The following RBMS1 variants were observed in gnomAD, a reference collection of about 807,000 sequenced individuals.
RBMS1 encodes RNA-binding motif, single-stranded-interacting protein 1.
RBMS1 carries 17 observed loss-of-function variants against 62.3 expected under a neutral mutation model. That is an observed-to-expected ratio of 0.27 (90% CI 0.19 to 0.41). The LOEUF (loss-of-function observed/expected upper bound fraction) is 0.41, where lower values mean the gene tolerates loss of function less well. Among genes scored for constraint, RBMS1 ranks in the 10% least tolerant of loss-of-function variants. The pLI is 1.00. For missense variants in RBMS1, 334 were observed against 504.5 expected, an observed-to-expected ratio of 0.66 and a Z score of 3.24; for synonymous variants, 172 against 170.0, an observed-to-expected ratio of 1.01 and a Z score of -0.09.
At chr2:160,285,090 G>A in intron 7 of RBMS1, 46 bp from the exon 8 acceptor site, 1 of 1,573,354 alleles carries the variant, frequency 6.4e-7, no homozygotes, top group Non-Finnish European at 8.7e-7. Context: ...AGAAAGGCAT[G>A]ATTTAAAAAT....
intron 1 of RBMS1, among the ~76,000 whole-genome samples, chr2:160,440,106 A>AGAGGGCT (rs1683350479): frequency 9.0e-6 from 1 of 111,270 alleles, no homozygotes; most frequent in Non-Finnish European, 1.9e-5. Flanking sequence ...GGGAGAGGGG[A>AGAGGGCT]GAGGGCTTTT....
chr2:160,282,380 G>A (rs1688145854), intron 9 of RBMS1: 2 of 1,279,692 alleles, frequency 1.6e-6, no homozygotes, highest in Non-Finnish European at 2.1e-6. Flanking sequence ...TCCCCATTGG[G>A]GTTGGTGGTT....
chr2:160,488,504 A>G (rs1574123308), intron 1 of RBMS1, among the ~76,000 whole-genome samples: 1 of 152,160 alleles, frequency 6.6e-6, no homozygotes, highest in Non-Finnish European at 1.5e-5. Flanking sequence ...TGAACCTGGG[A>G]GGCAGAGGTT....
At chr2:160,482,360 T>A (rs1030114697) in intron 1 of RBMS1, among the ~76,000 whole-genome samples, 1 of 152,236 alleles carries the variant, frequency 6.6e-6, no homozygotes, top group Non-Finnish European at 1.5e-5. Context: ...ACCTGAGTGG[T>A]TATTACATGA....
intron 1 of RBMS1, among the ~76,000 whole-genome samples, chr2:160,387,325 A>C (rs139452426): frequency 6.0e-5 from 9 of 151,130 alleles, no homozygotes; most frequent in Non-Finnish European, 1.2e-4. Context: ...TTTTTTTTGC[A>C]GTCTTCCCTT....
chr2:160,345,950 T>A (rs62177276), intron 2 of RBMS1, among the ~76,000 whole-genome samples: 1 of 152,106 alleles, frequency 6.6e-6, no homozygotes, highest in Non-Finnish European at 1.5e-5. Context: ...ACAATGGCTG[T>A]TCAGAGTGAA....
intron 7 of RBMS1, among the ~76,000 whole-genome samples, chr2:160,286,180 G>A (rs550603206): frequency 1.3e-4 from 20 of 151,388 alleles, no homozygotes; most frequent in East Asian, 3.9e-4. Flanking sequence ...TGTCCCTGTC[G>A]TCTCAGCTAC....
intron 1 of RBMS1, among the ~76,000 whole-genome samples, chr2:160,437,313 C>G (rs185798609): frequency 6.6e-6 from 1 of 152,210 alleles, no homozygotes; most frequent in East Asian, 1.9e-4. Context: ...AGTGCAAAGC[C>G]TAGATTGTTC....
chr2:160,347,231 C>T (rs541107798), intron 2 of RBMS1, among the ~76,000 whole-genome samples: 1 of 152,050 alleles, frequency 6.6e-6, no homozygotes, highest in South Asian at 2.1e-4. Flanking sequence ...TATTCTATTG[C>T]CTCTGTAGAT....
chr2:160,394,981 C>G (rs1015452627), intron 1 of RBMS1, among the ~76,000 whole-genome samples: 6 of 152,154 alleles, frequency 3.9e-5, no homozygotes, highest in African/African-American at 1.4e-4. Flanking sequence ...ATGTCCTTTC[C>G]AACACTAAAA....
At chr2:160,347,188 G>A (rs1218778325) in intron 2 of RBMS1, among the ~76,000 whole-genome samples, 1 of 151,926 alleles carries the variant, frequency 6.6e-6, no homozygotes, top group Non-Finnish European at 1.5e-5. Flanking sequence ...TTCACTAAGG[G>A]CCGGCAATTA....
intron 6 of RBMS1, among the ~76,000 whole-genome samples, chr2:160,288,593 G>C (rs1011474119): frequency 2.0e-5 from 3 of 152,184 alleles, no homozygotes; most frequent in African/African-American, 7.2e-5. Context: ...GGTATGACGA[G>C]TCAGGAACAA....
chr2:160,389,370 G>A (rs993482220), intron 1 of RBMS1, among the ~76,000 whole-genome samples: 1 of 152,116 alleles, frequency 6.6e-6, no homozygotes, highest in South Asian at 2.1e-4. Flanking sequence ...AATCTAGCTG[G>A]TAATGATAAA....
chr2:160,433,173 G>C (rs1682968439), intron 1 of RBMS1, among the ~76,000 whole-genome samples: 1 of 152,156 alleles, frequency 6.6e-6, no homozygotes, highest in South Asian at 2.1e-4. Flanking sequence ...CAGCACTTTG[G>C]GAGGCCAAGA....
intron 2 of RBMS1, among the ~76,000 whole-genome samples, chr2:160,353,355 T>C (rs762994757): frequency 2.0e-5 from 3 of 152,116 alleles, no homozygotes; most frequent in African/African-American, 7.2e-5. Flanking sequence ...CCTCCAGCAA[T>C]GACCAGCCTC....
chr2:160,357,692 T>C (rs1322706729), intron 2 of RBMS1, among the ~76,000 whole-genome samples: 1 of 152,120 alleles, frequency 6.6e-6, no homozygotes, highest in Non-Finnish European at 1.5e-5. Context: ...GCATAGCCCA[T>C]TACCTAAGGT....
intron 2 of RBMS1, 64 bp downstream of exon 2, chr2:160,367,152 T>A (rs1693443107): frequency 1.3e-6 from 2 of 1,503,932 alleles, no homozygotes; most frequent in African/African-American, 1.4e-5. Flanking sequence ...GCAGTATATA[T>A]CACTCTATAA....
intron 2 of RBMS1, among the ~76,000 whole-genome samples, chr2:160,348,124 A>G (rs1401790848): frequency 6.6e-6 from 1 of 152,102 alleles, no homozygotes; most frequent in Non-Finnish European, 1.5e-5. Context: ...TGCACCTAAA[A>G]CATAGTGAGA....
intron 1 of RBMS1, among the ~76,000 whole-genome samples, chr2:160,374,795 T>C (rs181289126): frequency 0.019 from 2,822 of 151,502 alleles, 43 homozygotes; most frequent in Non-Finnish European, 0.026. Flanking sequence ...CCAGGTGTGG[T>C]GGTGGGCGCC....
Sources: gnomAD v4.1 joint callset for allele counts (sites outside exome capture counted in the v4.1 genomes callset) on GRCh38, gnomAD v4.1.1 for gene constraint, MANE v1.5 for transcripts, NCBI Gene and HGNC (gene_info 2026-07-23, HGNC 2026-07-21) for gene names.